XYLT1: variants seen among roughly 807,000 people sequenced by gnomAD.
XYLT1 encodes the protein xylosyltransferase 1, also known as beta-D-xylosyltransferase 1.
A neutral mutation model predicts 91.3 loss-of-function variants in XYLT1; 36 were observed. That is an observed-to-expected ratio of 0.39 (90% CI 0.30 to 0.52). The LOEUF (loss-of-function observed/expected upper bound fraction) is 0.52. Ranked by LOEUF, XYLT1 falls within the 20% of genes least tolerant of loss-of-function variation. The pLI, the probability that XYLT1 is intolerant of heterozygous loss-of-function variation, is 0.68. For synonymous variants in XYLT1, 588 were observed against 532.0 expected, an observed-to-expected ratio of 1.11 and a Z score of -1.45; for missense variants, 1,242 against 1,284.5, an observed-to-expected ratio of 0.97 and a Z score of 0.51.
chr16:17,120,738 T>A (rs954303225), intron 10 of XYLT1, among the ~76,000 whole-genome samples: 6 of 152,132 alleles, frequency 3.9e-5, no homozygotes, highest in Admixed American at 1.3e-4. Context: ...AGGGACTATA[T>A]ATGGCATGCT....
At chr16:17,126,091 A>T (rs1212792466) in intron 10 of XYLT1, among the ~76,000 whole-genome samples, 2 of 152,230 alleles carry the variant, frequency 1.3e-5, no homozygotes. Flanking sequence ...TAAAATTAAG[A>T]GTTTAGAAAA....
At chr16:17,327,594 C>T (rs1196464139) in intron 2 of XYLT1, among the ~76,000 whole-genome samples, 5 of 123,530 alleles carry the variant, frequency 4.0e-5, no homozygotes, top group African/African-American at 1.5e-4. Context: ...AATCTCCTGA[C>T]CTCGTGATCC....
intron 1 of XYLT1, among the ~76,000 whole-genome samples, chr16:17,380,020 C>A (rs1296945786): frequency 6.6e-6 from 1 of 152,028 alleles, no homozygotes; most frequent in Admixed American, 6.6e-5. Context: ...GGGAGCAGTG[C>A]CTCACACCTG....
chr16:17,391,690 T>C lies in XYLT1; in HGVS notation c.364-33640A>G, dbSNP rs183835906. On this transcript the variant is annotated intron_variant, in intron 1 of 11. Transcript: ENST00000261381. ...TTCCAGCAGCCATCAGAGGCATTGA[T>C]AGGGCTTGGCTGTGTCCCCACCCAA... is the stretch of plus-strand genomic sequence containing the variant. Among the ~76,000 whole-genome samples, 13 of 152,296 alleles carry C rather than the reference T, an allele frequency of 8.5e-5. No homozygotes were observed. The East Asian group carries it at 1.7e-3, about 20-fold the overall frequency.
intron 2 of XYLT1, among the ~76,000 whole-genome samples, chr16:17,332,500 TG>T: frequency 6.6e-6 from 1 of 151,630 alleles, no homozygotes; most frequent in African/African-American, 2.4e-5. Context: ...AAGCGGAGGT[TG>T]CAGTGAGCCA....
intron 5 of XYLT1, among the ~76,000 whole-genome samples, chr16:17,180,904 C>T (rs1166737867): frequency 6.6e-6 from 1 of 152,124 alleles, no homozygotes; most frequent in African/African-American, 2.4e-5. Flanking sequence ...GGAAGCTGAC[C>T]TGCCCAGATG....
In XYLT1 at chr16:17,438,343, T is replaced by C. The variant is rs182745517; in HGVS notation, c.363+32091A>G. 3.3e-5 allele frequency among the ~76,000 whole-genome samples: 5 copies of C among 152,292 alleles called. No homozygotes were observed. In the South Asian group the frequency reaches 8.3e-4, roughly 25 times the overall value. ...ATATGGTAATTGTGAAGGTAAGAGA[T>C]AGCATGAATGACCACTACTCTTGTA... On this transcript the variant is annotated intron_variant, in intron 1 of 11. Transcript: ENST00000261381.
Position 17,127,820 on chromosome 16 carries a change from A to G in XYLT1, c.2069T>C (p.Phe690Ser), listed in dbSNP as rs2141496310. The G allele has an allele frequency of 6.2e-7, 1 of 1,614,112 alleles. No individual in the cohort carries two copies. Residue 690 changes from phenylalanine (F) to serine (S), a missense_variant, in exon 10 of 12, where the codon TTC becomes TCC. Around this residue, in one of 3 missense-constraint regions of XYLT1, gnomAD observed 511 missense variants for 497.0 expected, o/e 1.03. Coordinates refer to ENST00000261381, the MANE Select transcript of XYLT1 (RefSeq NM_022166.4). ...MGHPASVHLY[F>S]LADRFQGFLI... The stretch of plus-strand genomic sequence containing the variant: ...AAAGCCCTGGAAGCGGTCAGCAAGG[A>G]AGTAGAGGTGCACAGATGCTGGGTG...
chr16:17,277,237 G>A (rs2033990511), intron 2 of XYLT1, among the ~76,000 whole-genome samples: 1 of 151,892 alleles, frequency 6.6e-6, no homozygotes. Flanking sequence ...TAGATTCTGG[G>A]GATCCCTGTG....
chr16:17,350,000 A>C (rs1455100146), intron 2 of XYLT1, among the ~76,000 whole-genome samples: 1 of 151,844 alleles, frequency 6.6e-6, no homozygotes, highest in Non-Finnish European at 1.5e-5. Flanking sequence ...CAGCCTCCCA[A>C]ATAGCTGGGA....
At chr16:17,303,376 C>T (rs999067307) in intron 2 of XYLT1, among the ~76,000 whole-genome samples, 25 of 152,340 alleles carry the variant, frequency 1.6e-4, no homozygotes, top group African/African-American at 5.8e-4. Flanking sequence ...GCCCATGTGG[C>T]CAGCAAAGGC....
chr16:17,185,724 G>C (rs1295695336), intron 5 of XYLT1, among the ~76,000 whole-genome samples: 2 of 152,262 alleles, frequency 1.3e-5, no homozygotes, highest in African/African-American at 4.8e-5. Flanking sequence ...TTCTTGGCTG[G>C]GTGCAGTGGC....
chr16:17,256,032 T>C (rs940038326), intron 3 of XYLT1, among the ~76,000 whole-genome samples: 5 of 151,808 alleles, frequency 3.3e-5, no homozygotes, highest in Admixed American at 3.3e-4. Context: ...ACAAAACAGA[T>C]AGAAAACAAA....
At chr16:17,452,224 G>C (rs2036674484) in intron 1 of XYLT1, among the ~76,000 whole-genome samples, 1 of 151,744 alleles carries the variant, frequency 6.6e-6, no homozygotes, top group Non-Finnish European at 1.5e-5. Context: ...TATCGTGTTT[G>C]CATTCTGTTT....
At chr16:17,181,200 C>A (rs1185856376) in intron 5 of XYLT1, among the ~76,000 whole-genome samples, 1 of 152,140 alleles carries the variant, frequency 6.6e-6, no homozygotes. Context: ...AGCCTTGCAG[C>A]AGGGAGGGAA....
chr16:17,216,234 G>A (rs1010275671), intron 3 of XYLT1, among the ~76,000 whole-genome samples: 3 of 152,098 alleles, frequency 2.0e-5, no homozygotes, highest in Non-Finnish European at 2.9e-5. Flanking sequence ...ATGGAAAAAC[G>A]CAGCGACTCA....
At chr16:17,251,631 G>C (rs34588333) in intron 3 of XYLT1, among the ~76,000 whole-genome samples, 1 of 152,138 alleles carries the variant, frequency 6.6e-6, no homozygotes, top group Admixed American at 6.5e-5. Flanking sequence ...GCCACTGCAC[G>C]GAGGGCGCTT....
chr16:17,465,738 G>A (rs1393327472), intron 1 of XYLT1, among the ~76,000 whole-genome samples: 4 of 152,080 alleles, frequency 2.6e-5, no homozygotes, highest in Non-Finnish European at 4.4e-5. Flanking sequence ...TACACTGTAC[G>A]GGAAAATGAA....
chr16:17,354,895 G>A (rs1483748698), intron 2 of XYLT1: 1 of 152,218 alleles, frequency 6.6e-6, no homozygotes, highest in Non-Finnish European at 1.5e-5. Context: ...TCTGGCCACG[G>A]GCTTGTGCCA....
Sources: gnomAD v4.1 joint callset for allele counts (sites outside exome capture counted in the v4.1 genomes callset) on GRCh38, gnomAD v4.1.1 for gene constraint, gnomAD v4.1.1 regional missense constraint, MANE v1.5 for transcripts, NCBI Gene and HGNC (gene_info 2026-07-23, HGNC 2026-07-21) for gene names.